The following CEP63 variants were observed in gnomAD, a reference collection of about 807,000 sequenced individuals.
The protein encoded by CEP63 is centrosomal protein 63, also known as centrosomal protein of 63 kDa.
In CEP63, 84 loss-of-function variants were observed where a neutral mutation model predicts 89.1. The ratio of observed to expected loss-of-function variants is 0.94; its 90% CI spans 0.79 to 1.13. The LOEUF (loss-of-function observed/expected upper bound fraction) is 1.13, where lower values mean the gene tolerates loss of function less well. CEP63 is among the 50% of genes most tolerant of loss of function. The pLI, the probability that CEP63 is intolerant of heterozygous loss-of-function variation, is 0.00. For missense variants in CEP63, 838 were observed against 813.3 expected, an observed-to-expected ratio of 1.03 and a Z score of -0.37; for synonymous variants, 267 against 272.5, an observed-to-expected ratio of 0.98 and a Z score of 0.20.
At position 134,561,462 on chromosome 3, in the gene CEP63, G is replaced by A. The variant is rs369310177; in HGVS notation, c.2039G>A (p.Arg680His). ...CTGAGGTCTCATCACATTCTAGAGC[G>A]CTTGGATGCCCATATTGAAGAACTA... Reference protein sequence around the residue: ...EELRSHHILERLDAHIEELKR... With the variant: ...EELRSHHILEHLDAHIEELKR... The change falls in exon 15 of 15, where the codon CGC becomes CAC. Residue 680 changes from arginine (R) to histidine (H), a missense_variant. By Grantham distance (29) the Arg-to-His change is conservative. Coordinates refer to ENST00000675561, the MANE Select transcript of CEP63 (RefSeq NM_001353108.3). 1.1e-5 allele frequency: 18 copies of A among 1,613,660 alleles called. No homozygotes were observed. Among genetic ancestry groups the A allele is most frequent in the Admixed American group, 3.3e-5 (2 of 59,988 alleles).
chr3:134,619,041 T>G, the CEP63 span: 1 of 885,704 alleles, frequency 1.1e-6, no homozygotes. Context: ...GAGCAGAGTT[T>G]GTAAACTCAG....
At chr3:134,686,906 G>C in the CEP63 span, among the ~76,000 whole-genome samples, 3 of 152,136 alleles carry the variant, frequency 2.0e-5, no homozygotes, top group African/African-American at 7.2e-5. Flanking sequence ...AATACATCTA[G>C]CATGGAAGTT....
intron 3 of CEP63, among the ~76,000 whole-genome samples, chr3:134,526,917 T>TG (rs34848852): frequency 3.3e-5 from 5 of 151,790 alleles, no homozygotes; most frequent in Non-Finnish European, 5.9e-5. Flanking sequence ...GCTCTAACTC[T>TG]GGGGGGGCTC....
chr3:134,507,088 A>C (rs1255118594), intron 2 of CEP63, 21 bp from the exon 3 acceptor site: 10 of 1,607,306 alleles, frequency 6.2e-6, no homozygotes, highest in Non-Finnish European at 8.5e-6. Flanking sequence ...TGTTTTTTTA[A>C]TGATCTGTTC....
chr3:134,602,462 C>T, the CEP63 span, among the ~76,000 whole-genome samples: 7 of 152,272 alleles, frequency 4.6e-5, no homozygotes, highest in South Asian at 8.3e-4. Flanking sequence ...ATGTTTTCTC[C>T]GAGACAGGCA....
chr3:134,590,662 G>A (rs983640051), downstream of CEP63, among the ~76,000 whole-genome samples: 3 of 152,208 alleles, frequency 2.0e-5, no homozygotes, highest in Admixed American at 2.0e-4. Context: ...TTATGGCCAT[G>A]TAAATGTCAA....
the CEP63 span, among the ~76,000 whole-genome samples, chr3:134,764,974 CATT>C: frequency 6.6e-6 from 1 of 152,192 alleles, no homozygotes; most frequent in Admixed American, 6.5e-5. Flanking sequence ...TTTGAGGTCT[CATT>C]ATATGACAGT....
the CEP63 span, among the ~76,000 whole-genome samples, chr3:134,749,021 G>T: frequency 1.3e-5 from 2 of 152,180 alleles, no homozygotes; most frequent in Non-Finnish European, 1.5e-5. Context: ...GAAGGGGCTG[G>T]TGGAAAGGGC....
intron 6 of CEP63, among the ~76,000 whole-genome samples, chr3:134,541,579 A>G (rs978876181): frequency 6.7e-6 from 1 of 148,288 alleles, no homozygotes; most frequent in Non-Finnish European, 1.5e-5. Flanking sequence ...GCAGTGGCAC[A>G]ATCTCGGCTC....
chr3:134,501,437 CTGTATAAATTCTTCTAATCCA>C (rs1941962698), intron 2 of CEP63, among the ~76,000 whole-genome samples: 1 of 152,148 alleles, frequency 6.6e-6, no homozygotes, highest in Non-Finnish European at 1.5e-5. Flanking sequence ...GCCGTTTTAA[CTGTATAAATTCTTCTAATCCA>C]TGAGCATGGA....
the CEP63 span, chr3:134,651,071 A>G: frequency 2.0e-6 from 3 of 1,524,340 alleles, no homozygotes; most frequent in Admixed American, 2.0e-5. Flanking sequence ...AGGGCGCGGA[A>G]GAGGGCGCTC....
chr3:134,707,954 C>G, the CEP63 span, among the ~76,000 whole-genome samples: 1 of 152,084 alleles, frequency 6.6e-6, no homozygotes, highest in Non-Finnish European at 1.5e-5. Context: ...CAAGGGCTCA[C>G]GGTCTTTCAC....
intron 12 of CEP63, chr3:134,552,227 G>A (rs1245027146): frequency 2.8e-6 from 1 of 354,226 alleles, no homozygotes; most frequent in East Asian, 5.7e-5. Flanking sequence ...TTTTGAGACG[G>A]GGTTTCACTC....
downstream of CEP63, among the ~76,000 whole-genome samples, chr3:134,565,914 C>G (rs1957737961): frequency 6.6e-6 from 1 of 152,016 alleles, no homozygotes; most frequent in African/African-American, 2.4e-5. Flanking sequence ...CTGCACAGCT[C>G]CCCCCACAGT....
the CEP63 span, among the ~76,000 whole-genome samples, chr3:134,758,688 A>G: frequency 1.3e-5 from 2 of 152,190 alleles, no homozygotes; most frequent in East Asian, 3.8e-4. Flanking sequence ...CCCTGATCTA[A>G]GATAGTCACT....
downstream of CEP63, among the ~76,000 whole-genome samples, chr3:134,590,538 C>T (rs191390008): frequency 3.3e-5 from 5 of 152,176 alleles, no homozygotes; most frequent in East Asian, 3.9e-4. Context: ...TAAGAGAAAG[C>T]GGGAATTTGC....
chr3:134,633,275 A>G, the CEP63 span, among the ~76,000 whole-genome samples: 1 of 152,256 alleles, frequency 6.6e-6, no homozygotes, highest in East Asian at 1.9e-4. Flanking sequence ...CATTAATCTG[A>G]TATCAACACA....
intron 6 of CEP63, among the ~76,000 whole-genome samples, chr3:134,541,962 TCTAAAA>T (rs1952129829): frequency 6.6e-6 from 1 of 152,154 alleles, no homozygotes; most frequent in African/African-American, 2.4e-5. Flanking sequence ...ATCAGTACAG[TCTAAAA>T]CTAAGGTCAT....
chr3:134,549,148 ACAATG>A lies in CEP63; in HGVS notation c.1155_1159del (p.Asn385LysfsTer7), dbSNP rs1170520312. 1 of 1,610,982 alleles carries A rather than the reference ACAATG, an allele frequency of 6.2e-7. No homozygotes were observed. The highest frequency in any genetic ancestry group is 1.1e-5 in the South Asian group (1 of 91,036). On this transcript the variant is annotated frameshift_variant, in exon 10 of 15. Coordinates refer to ENST00000675561, the MANE Select transcript of CEP63 (RefSeq NM_001353108.3). LOFTEE classifies it high-confidence loss of function. ...GAACTGAAGAGGATGGAAGCACATA[ACAATG>A]AATACAAAGCAGAGATTAAGAAGGT... is the stretch of plus-strand genomic sequence containing the variant.
Sources: gnomAD v4.1 joint callset for allele counts (sites outside exome capture counted in the v4.1 genomes callset) on GRCh38, gnomAD v4.1.1 for gene constraint, MANE v1.5 for transcripts, NCBI Gene and HGNC (gene_info 2026-07-23, HGNC 2026-07-21) for gene names.